NRXN3: variants seen among roughly 807,000 people sequenced by gnomAD.
NRXN3 encodes the protein neurexin 3, also known as neurexin III.
A neutral mutation model predicts 137.6 loss-of-function variants in NRXN3; 32 were observed. That is an observed-to-expected ratio of 0.23 (90% CI 0.18 to 0.31). NRXN3 has a LOEUF of 0.31. NRXN3 is among the 10% of genes least tolerant of loss of function. NRXN3 has a pLI of 1.00. For synonymous variants in NRXN3, 798 were observed against 784.5 expected, an observed-to-expected ratio of 1.02 and a Z score of -0.29; for missense variants, 1,574 against 2,062.5, an observed-to-expected ratio of 0.76 and a Z score of 4.59.
At chr14:79,802,646 T>C (rs553608279) in intron 19 of NRXN3, among the ~76,000 whole-genome samples, 27 of 152,280 alleles carry the variant, frequency 1.8e-4, no homozygotes, top group African/African-American at 6.0e-4. Flanking sequence ...TTTCCTCTTA[T>C]AATTGCCGTA....
intron 10 of NRXN3, among the ~76,000 whole-genome samples, chr14:78,895,040 C>G (rs946036120): frequency 6.6e-6 from 1 of 151,662 alleles, no homozygotes; most frequent in Admixed American, 6.6e-5. Context: ...AATTCTGGGG[C>G]CCTAGGATTT....
chr14:79,856,089 A>T (rs189897409), intron 20 of NRXN3, among the ~76,000 whole-genome samples: 46 of 152,156 alleles, frequency 3.0e-4, no homozygotes, highest in Non-Finnish European at 5.4e-4. Flanking sequence ...TTCCAAATCA[A>T]ACCTATTTCA....
chr14:79,126,703 C>T (rs1288183061), intron 15 of NRXN3, among the ~76,000 whole-genome samples: 1 of 151,866 alleles, frequency 6.6e-6, no homozygotes, highest in East Asian at 1.9e-4. Flanking sequence ...AATGGGATGG[C>T]TGGGTCAAAT....
chr14:79,805,097 C>G lies in NRXN3; in HGVS notation c.4015-15C>G. Reference sequence around the variant, plus strand: ...CTCTTCCCCTACCCCATTATTTTCTCTTTGACATAAACAGCCAACATCAGA... The same window carrying G: ...CTCTTCCCCTACCCCATTATTTTCTGTTTGACATAAACAGCCAACATCAGA... On this transcript the variant is annotated splice_polypyrimidine_tract_variant and intron_variant, in intron 19 of 20. Coordinates refer to ENST00000335750, the MANE Select transcript of NRXN3 (RefSeq NM_001330195.2). 1 of 1,595,860 alleles carries G rather than the reference C, an allele frequency of 6.3e-7. No individual in the cohort carries two copies.
intron 15 of NRXN3, among the ~76,000 whole-genome samples, chr14:79,124,511 A>G (rs1214750142): frequency 1.3e-5 from 2 of 152,190 alleles, no homozygotes; most frequent in Non-Finnish European, 2.9e-5. Flanking sequence ...TACTGGGAGA[A>G]TTAACTTCTA....
chr14:79,122,860 A>G (rs1207515747), intron 15 of NRXN3, among the ~76,000 whole-genome samples: 4 of 152,158 alleles, frequency 2.6e-5, no homozygotes, highest in Non-Finnish European at 4.4e-5. Context: ...GACTTTTTTG[A>G]AATCTATTTT....
chr14:79,419,421 C>T (rs1291983079), intron 15 of NRXN3, among the ~76,000 whole-genome samples: 1 of 152,136 alleles, frequency 6.6e-6, no homozygotes, highest in African/African-American at 2.4e-5. Context: ...AGAGATTCCA[C>T]TGAAATAATG....
At chr14:79,672,876 G>T (rs1377458163) in intron 17 of NRXN3, among the ~76,000 whole-genome samples, 1 of 152,052 alleles carries the variant, frequency 6.6e-6, no homozygotes, top group East Asian at 1.9e-4. Flanking sequence ...GCACAAGGTT[G>T]CAGAGTCTCT....
At chr14:79,036,263 C>A (rs2099615818) in intron 15 of NRXN3, among the ~76,000 whole-genome samples, 1 of 152,046 alleles carries the variant, frequency 6.6e-6, no homozygotes, top group African/African-American at 2.4e-5. Context: ...TCGTCTTCCT[C>A]TTTTAAAGTA....
intron 19 of NRXN3, among the ~76,000 whole-genome samples, chr14:79,795,891 C>T (rs902238497): frequency 4.6e-5 from 7 of 152,040 alleles, no homozygotes; most frequent in African/African-American, 1.7e-4. Flanking sequence ...CTTGAGCTTG[C>T]ATCTCTTTCT....
intron 8 of NRXN3, among the ~76,000 whole-genome samples, chr14:78,758,982 G>C (rs902946831): frequency 1.3e-5 from 2 of 152,182 alleles, no homozygotes; most frequent in African/African-American, 4.8e-5. Flanking sequence ...GCTGGCTCAG[G>C]AAAGAGGGAC....
At chr14:78,506,533 C>G (rs1482531149) in intron 4 of NRXN3, among the ~76,000 whole-genome samples, 4 of 151,686 alleles carry the variant, frequency 2.6e-5, no homozygotes, top group African/African-American at 7.3e-5. Context: ...TTCCTACCAA[C>G]AGTATACAGG....
At position 78,565,168 on chromosome 14, in the gene NRXN3, A is replaced by C. The variant is rs913912428; in HGVS notation, c.758-79952A>C. On this transcript the variant is annotated intron_variant, in intron 4 of 20. Transcript: ENST00000335750. Reference sequence around the variant, plus strand: ...ATGCTCAGTTAATATTCATTTATTAAGTAGATAGATCAAGGAGTAAATGAA... The same window carrying C: ...ATGCTCAGTTAATATTCATTTATTACGTAGATAGATCAAGGAGTAAATGAA... 2.0e-5 allele frequency among the ~76,000 whole-genome samples: 3 copies of C among 152,240 alleles called. No individual in the cohort carries two copies. In the South Asian group the frequency reaches 6.2e-4, roughly 31 times the overall value.
At chr14:78,837,726 A>G (rs1371568791) in intron 10 of NRXN3, among the ~76,000 whole-genome samples, 2 of 152,042 alleles carry the variant, frequency 1.3e-5, no homozygotes, top group Non-Finnish European at 2.9e-5. Context: ...ATTTGTTCTT[A>G]ATTCGATTTT....
At chr14:79,239,012 GA>G (rs2073874933) in intron 15 of NRXN3, among the ~76,000 whole-genome samples, 2 of 152,044 alleles carry the variant, frequency 1.3e-5, no homozygotes, top group Non-Finnish European at 2.9e-5. Flanking sequence ...TGGGGGAAAT[GA>G]TCTAAGACCC....
intron 15 of NRXN3, among the ~76,000 whole-genome samples, chr14:78,991,084 C>T (rs2099517853): frequency 6.6e-6 from 1 of 152,170 alleles, no homozygotes; most frequent in Non-Finnish European, 1.5e-5. Context: ...CACCGGCAGA[C>T]TTGAATAGGC....
At chr14:79,420,738 A>G (rs1465833034) in intron 15 of NRXN3, among the ~76,000 whole-genome samples, 1 of 152,212 alleles carries the variant, frequency 6.6e-6, no homozygotes, top group Non-Finnish European at 1.5e-5. Context: ...AGAAGCCTAA[A>G]ATATTCACCT....
intron 15 of NRXN3, among the ~76,000 whole-genome samples, chr14:79,144,375 C>G (rs991298110): frequency 1.3e-5 from 2 of 152,152 alleles, no homozygotes; most frequent in Admixed American, 1.3e-4. Flanking sequence ...TTGCAAAAAA[C>G]TCGGATGCAT....
At chr14:79,292,426 C>T (rs938005820) in intron 15 of NRXN3, among the ~76,000 whole-genome samples, 1 of 152,174 alleles carries the variant, frequency 6.6e-6, no homozygotes, top group African/African-American at 2.4e-5. Context: ...TAGGCTTTCT[C>T]CCCAACTTAT....
Sources: gnomAD v4.1 joint callset for allele counts (sites outside exome capture counted in the v4.1 genomes callset) on GRCh38, gnomAD v4.1.1 for gene constraint, MANE v1.5 for transcripts, NCBI Gene and HGNC (gene_info 2026-07-23, HGNC 2026-07-21) for gene names.